Variants in CLIC5 observed in about 807,000 individuals in gnomAD.
CLIC5 encodes the protein chloride intracellular channel protein 5.
CLIC5 carries 20 observed loss-of-function variants against 24.7 expected under a neutral mutation model. The ratio of observed to expected loss-of-function variants is 0.81; its 90% CI spans 0.57 to 1.18. The LOEUF (loss-of-function observed/expected upper bound fraction) is 1.18, where lower values mean the gene tolerates loss of function less well. Ranked by LOEUF, CLIC5 falls within the 50% of genes most tolerant of loss-of-function variation. The pLI, the probability that CLIC5 is intolerant of heterozygous loss-of-function variation, is 0.00. For synonymous variants in CLIC5, 159 were observed against 135.6 expected (o/e 1.17, Z -1.20); for missense variants, 341 against 326.1 (o/e 1.05, Z -0.35).
intron 1 of CLIC5, among the ~76,000 whole-genome samples, chr6:45,968,544 C>T (rs922138882): frequency 6.6e-6 from 1 of 152,112 alleles, no homozygotes; most frequent in African/African-American, 2.4e-5. Context: ...AAAACTAGCT[C>T]ACACAATGGA....
chr6:46,024,139 C>A (rs771672661), intron 1 of CLIC5, among the ~76,000 whole-genome samples: 6 of 152,144 alleles, frequency 3.9e-5, no homozygotes, highest in Non-Finnish European at 8.8e-5. Flanking sequence ...TGGGCAAACA[C>A]CCACGATCAC....
chr6:46,001,630 G>C (rs1038108542), intron 1 of CLIC5, among the ~76,000 whole-genome samples: 1 of 152,136 alleles, frequency 6.6e-6, no homozygotes, highest in Non-Finnish European at 1.5e-5. Flanking sequence ...CACCTGGTAG[G>C]CTTCAGTAAA....
At chr6:45,949,961 G>C (rs1434077581) in intron 2 of CLIC5, among the ~76,000 whole-genome samples, 1 of 152,130 alleles carries the variant, frequency 6.6e-6, no homozygotes, top group African/African-American at 2.4e-5. Context: ...TACTCTTTTT[G>C]AGTTATAAAC....
chr6:46,073,737 G>A (rs1009219737), intron 1 of CLIC5, among the ~76,000 whole-genome samples: 7 of 152,166 alleles, frequency 4.6e-5, no homozygotes, highest in African/African-American at 1.4e-4. Flanking sequence ...CACCTATGTG[G>A]GCCTTCTGAC....
upstream of CLIC5, among the ~76,000 whole-genome samples, chr6:46,083,548 G>A (rs536698966): frequency 3.3e-5 from 5 of 152,182 alleles, no homozygotes; most frequent in African/African-American, 1.2e-4. Flanking sequence ...TAGTCATTCA[G>A]GAGCAGGTTG....
At chr6:45,887,300 G>A (rs1762313035) in intron 6 of CLIC5, among the ~76,000 whole-genome samples, 1 of 152,140 alleles carries the variant, frequency 6.6e-6, no homozygotes, top group South Asian at 2.1e-4. Flanking sequence ...CACTTTTCTA[G>A]TGCCTCTAGG....
intron 1 of CLIC5, among the ~76,000 whole-genome samples, chr6:46,054,018 C>T (rs1195137446): frequency 6.6e-6 from 1 of 152,130 alleles, no homozygotes; most frequent in East Asian, 1.9e-4. Context: ...AAACCTTTGA[C>T]TGAGATAAAG....
chr6:45,917,343 T>C (rs542138025), intron 4 of CLIC5, among the ~76,000 whole-genome samples: 7 of 152,300 alleles, frequency 4.6e-5, no homozygotes, highest in Non-Finnish European at 7.3e-5. Context: ...TTAATGGTAG[T>C]TGTTGCTATT....
intron 1 of CLIC5, among the ~76,000 whole-genome samples, chr6:45,956,458 G>T (rs1166660633): frequency 6.7e-6 from 1 of 149,278 alleles, no homozygotes; most frequent in African/African-American, 2.5e-5. Flanking sequence ...TCCAGGAATG[G>T]GGGCTTACTG....
intron 5 of CLIC5, chr6:45,912,541 A>G: frequency 7.2e-7 from 1 of 1,388,994 alleles, no homozygotes; most frequent in Non-Finnish European, 9.4e-7. Context: ...AGAAGGCAAG[A>G]AGGAATACAA....
At chr6:46,014,597 C>G (rs1231669861) in intron 1 of CLIC5, 2 of 152,196 alleles carry the variant, frequency 1.3e-5, no homozygotes, top group African/African-American at 2.4e-5. Flanking sequence ...GCTACTCTCC[C>G]GCAGCCTCAG....
chr6:46,053,402 G>A (rs532691746), intron 1 of CLIC5, among the ~76,000 whole-genome samples: 4 of 152,312 alleles, frequency 2.6e-5, no homozygotes, highest in Admixed American at 6.5e-5. Context: ...TGAGCAGAAC[G>A]GAGTGAGGAA....
chr6:46,070,939 G>T (rs796871437), intron 1 of CLIC5, among the ~76,000 whole-genome samples: 27 of 152,192 alleles, frequency 1.8e-4, no homozygotes, highest in African/African-American at 6.5e-4. Context: ...ATAACCATCA[G>T]ATCTTCGACA....
chr6:46,098,908 C>T, the CLIC5 span, among the ~76,000 whole-genome samples: 2 of 152,108 alleles, frequency 1.3e-5, no homozygotes, highest in African/African-American at 4.8e-5. Context: ...TGGCTTGGTG[C>T]CAGCGCAGAA....
chr6:46,126,636 T>A, the CLIC5 span, among the ~76,000 whole-genome samples: 2 of 152,210 alleles, frequency 1.3e-5, no homozygotes, highest in Non-Finnish European at 2.9e-5. Flanking sequence ...ATTCATAAGG[T>A]CCTTTTCCCC....
At chr6:46,120,047 A>T in the CLIC5 span, among the ~76,000 whole-genome samples, 1 of 152,208 alleles carries the variant, frequency 6.6e-6, no homozygotes. Context: ...ACCTCTGCAG[A>T]CTTAAATGTC....
chr6:45,930,602 C>T (rs550310177), intron 4 of CLIC5, among the ~76,000 whole-genome samples: 22 of 152,316 alleles, frequency 1.4e-4, no homozygotes, highest in African/African-American at 5.1e-4. Context: ...GGCGACGATT[C>T]CTCTGCCTGC....
At chr6:46,002,292 C>T (rs1766392794) in intron 1 of CLIC5, among the ~76,000 whole-genome samples, 1 of 152,074 alleles carries the variant, frequency 6.6e-6, no homozygotes, top group African/African-American at 2.4e-5. Flanking sequence ...CTGTAAATGA[C>T]TCTAGGTCTT....
upstream of CLIC5, among the ~76,000 whole-genome samples, chr6:46,084,861 C>T (rs891999302): frequency 1.3e-5 from 2 of 152,214 alleles, no homozygotes; most frequent in Non-Finnish European, 2.9e-5. Flanking sequence ...TAATATCCTG[C>T]AGAGTGTTTT....
Sources: allele counts gnomAD v4.1 joint callset (sites outside exome capture counted in the v4.1 genomes callset), GRCh38; gene constraint gnomAD v4.1.1; transcripts MANE v1.5; gene names NCBI Gene and HGNC (gene_info 2026-07-23, HGNC 2026-07-21).